Variants in HEMK2 observed in about 807,000 individuals in gnomAD.
HEMK2 encodes the protein methyltransferase HEMK2.
chr21:28,641,716 T>C, the HEMK2 span, among the ~76,000 whole-genome samples: 1 of 152,206 alleles, frequency 6.6e-6, no homozygotes, highest in Admixed American at 6.5e-5. Flanking sequence ...TATAGTGGTT[T>C]TTGCACACAT....
At chr21:28,812,401 C>G in the HEMK2 span, among the ~76,000 whole-genome samples, 5 of 152,132 alleles carry the variant, frequency 3.3e-5, no homozygotes, top group African/African-American at 1.2e-4. Context: ...TTGAGATAAT[C>G]ATGTGGTTTT....
chr21:28,582,969 G>C, the HEMK2 span, among the ~76,000 whole-genome samples: 1 of 152,104 alleles, frequency 6.6e-6, no homozygotes, highest in Non-Finnish European at 1.5e-5. Flanking sequence ...CATTGAAAGA[G>C]AATTTCAGAG....
the HEMK2 span, among the ~76,000 whole-genome samples, chr21:28,702,322 T>A: frequency 6.6e-6 from 1 of 150,544 alleles, no homozygotes; most frequent in Non-Finnish European, 1.5e-5. Flanking sequence ...AAAAAAAAAA[T>A]TGACAAATGT....
At chr21:28,591,303 G>GA in the HEMK2 span, among the ~76,000 whole-genome samples, 1 of 152,164 alleles carries the variant, frequency 6.6e-6, no homozygotes, top group South Asian at 2.1e-4. Flanking sequence ...AAGTTAGCAT[G>GA]AAAAATGCCA....
the HEMK2 span, among the ~76,000 whole-genome samples, chr21:28,584,532 G>T: frequency 6.6e-6 from 1 of 152,238 alleles, no homozygotes; most frequent in African/African-American, 2.4e-5. Context: ...TGTCAGGAAA[G>T]CAAAACCTTT....
At chr21:28,666,109 A>T in the HEMK2 span, among the ~76,000 whole-genome samples, 3 of 152,188 alleles carry the variant, frequency 2.0e-5, no homozygotes, top group East Asian at 5.8e-4. Flanking sequence ...TATTTCTAAC[A>T]TTGCAAATGG....
chr21:28,822,224 C>A, the HEMK2 span, among the ~76,000 whole-genome samples: 1 of 152,136 alleles, frequency 6.6e-6, no homozygotes, highest in Non-Finnish European at 1.5e-5. Flanking sequence ...ATCTTATATA[C>A]CATCTGGGAC....
chr21:28,609,066 C>T, the HEMK2 span, among the ~76,000 whole-genome samples: 21 of 152,202 alleles, frequency 1.4e-4, no homozygotes, highest in African/African-American at 5.1e-4. Flanking sequence ...AGCTGATGCA[C>T]TCTTGAAAGC....
chr21:28,702,051 C>T, the HEMK2 span, among the ~76,000 whole-genome samples: 1 of 151,922 alleles, frequency 6.6e-6, no homozygotes, highest in Non-Finnish European at 1.5e-5. Context: ...ATCTGATCTT[C>T]AACAAAGTCA....
the HEMK2 span, among the ~76,000 whole-genome samples, chr21:28,759,720 T>C: frequency 6.6e-6 from 1 of 152,146 alleles, no homozygotes; most frequent in Admixed American, 6.5e-5. Context: ...TGAATAAGTC[T>C]CATGAGATCT....
chr21:28,806,688 T>C, the HEMK2 span, among the ~76,000 whole-genome samples: 11 of 152,158 alleles, frequency 7.2e-5, no homozygotes, highest in Admixed American at 3.9e-4. Flanking sequence ...GACATAGACA[T>C]GCAGAGAGAA....
the HEMK2 span, among the ~76,000 whole-genome samples, chr21:28,687,543 C>T: frequency 5.0e-3 from 755 of 152,074 alleles, 6 homozygotes; most frequent in African/African-American, 0.017. Context: ...CATGCACACA[C>T]CCAGCAAAAT....
At chr21:28,869,507 T>A in the HEMK2 span, among the ~76,000 whole-genome samples, 1 of 152,238 alleles carries the variant, frequency 6.6e-6, no homozygotes, top group Admixed American at 6.5e-5. Flanking sequence ...GAACCACTTC[T>A]TCTTCTTGGG....
chr21:28,600,938 CCATAATAACAAAT>C, the HEMK2 span, among the ~76,000 whole-genome samples: 1 of 152,192 alleles, frequency 6.6e-6, no homozygotes, highest in African/African-American at 2.4e-5. Context: ...CTGTACTCCT[CCATAATAACAAAT>C]CTCAGTTAAT....
chr21:28,857,788 A>G, the HEMK2 span, among the ~76,000 whole-genome samples: 1 of 152,170 alleles, frequency 6.6e-6, no homozygotes, highest in African/African-American at 2.4e-5. Context: ...AAGAGATTAT[A>G]TGAGCTACTC....
At chr21:28,831,462 C>CGAACGAAAGAAAGAAAGAAA in the HEMK2 span, among the ~76,000 whole-genome samples, 2 of 23,610 alleles carry the variant, frequency 8.5e-5, no homozygotes, top group South Asian at 1.7e-3. Flanking sequence ...AAGAAAAGAA[C>CGAACGAAAGAAAGAAAGAAA]GAAAGAAAGA....
the HEMK2 span, among the ~76,000 whole-genome samples, chr21:28,765,861 G>A: frequency 6.6e-6 from 1 of 152,034 alleles, no homozygotes; most frequent in Non-Finnish European, 1.5e-5. Flanking sequence ...ATTTGCAAAT[G>A]TTCAACATTA....
the HEMK2 span, among the ~76,000 whole-genome samples, chr21:28,812,651 T>A: frequency 1.3e-5 from 2 of 152,224 alleles, no homozygotes; most frequent in African/African-American, 4.8e-5. Context: ...GCTGGACTCA[T>A]AAAATGAGTT....
At chr21:28,700,020 G>C in the HEMK2 span, among the ~76,000 whole-genome samples, 1 of 152,114 alleles carries the variant, frequency 6.6e-6, no homozygotes, top group Non-Finnish European at 1.5e-5. Context: ...AGCAGCAACT[G>C]ATCCTTAAGG....
Sources: gnomAD v4.1 joint callset for allele counts (sites outside exome capture counted in the v4.1 genomes callset) on GRCh38, gnomAD v4.1.1 for gene constraint, MANE v1.5 for transcripts, NCBI Gene and HGNC (gene_info 2026-07-23, HGNC 2026-07-21) for gene names.